The following GRM7 variants were observed in gnomAD, a reference collection of about 807,000 sequenced individuals.
GRM7 encodes the protein glutamate metabotropic receptor 7.
GRM7 carries 35 observed loss-of-function variants against 84.5 expected under a neutral mutation model. That is an observed-to-expected ratio of 0.41 (90% confidence interval 0.32 to 0.55). The LOEUF (loss-of-function observed/expected upper bound fraction) is 0.55. Among genes scored for constraint, GRM7 ranks in the 20% least tolerant of loss-of-function variants. The pLI is 0.19. For synonymous variants in GRM7, 487 were observed against 455.1 expected (o/e 1.07, Z -0.89); for missense variants, 1,003 against 1,194.6 (o/e 0.84, Z 2.36).
At chr3:6,988,036 A>T (rs1235343063) in intron 1 of GRM7, among the ~76,000 whole-genome samples, 8 of 132,968 alleles carry the variant, frequency 6.0e-5, no homozygotes, top group African/African-American at 1.7e-4. Context: ...TTGCTCTGTC[A>T]CCCAGGCTGG....
intron 1 of GRM7, among the ~76,000 whole-genome samples, chr3:7,016,726 A>C (rs1245721673): frequency 6.6e-6 from 1 of 152,216 alleles, no homozygotes; most frequent in East Asian, 1.9e-4. Flanking sequence ...AATACATGGT[A>C]TAGTGCCAAC....
chr3:6,939,474 A>G (rs751870862), intron 1 of GRM7, among the ~76,000 whole-genome samples: 26 of 152,148 alleles, frequency 1.7e-4, no homozygotes, highest in Non-Finnish European at 2.9e-4. Context: ...TATTTTGGGC[A>G]CAGAGGAATA....
At chr3:7,170,435 G>A (rs1694946943) in intron 2 of GRM7, among the ~76,000 whole-genome samples, 1 of 152,034 alleles carries the variant, frequency 6.6e-6, no homozygotes, top group African/African-American at 2.4e-5. Flanking sequence ...TGCCAATATT[G>A]ATGCCACTTC....
chr3:6,980,634 C>T (rs979790795), intron 1 of GRM7, among the ~76,000 whole-genome samples: 2 of 152,134 alleles, frequency 1.3e-5, no homozygotes, highest in African/African-American at 4.8e-5. Context: ...ACTTTGAATG[C>T]CGTAAGTGGT....
At chr3:7,517,853 C>T (rs991037190) in intron 7 of GRM7, among the ~76,000 whole-genome samples, 3 of 152,216 alleles carry the variant, frequency 2.0e-5, no homozygotes, top group Admixed American at 6.5e-5. Flanking sequence ...TTCCCAAGCT[C>T]GTCCAGCTGA....
chr3:7,566,282 T>C (rs1010084966), intron 7 of GRM7, among the ~76,000 whole-genome samples: 1 of 152,164 alleles, frequency 6.6e-6, no homozygotes, highest in African/African-American at 2.4e-5. Flanking sequence ...ATTTTCAGAA[T>C]AGGCAACGGA....
chr3:7,132,776 A>G (rs1354109711), intron 1 of GRM7, among the ~76,000 whole-genome samples: 2 of 152,200 alleles, frequency 1.3e-5, no homozygotes, highest in Admixed American at 6.5e-5. Context: ...TTGACGCTGA[A>G]AGTGGCTTCG....
At chr3:7,273,146 G>T (rs1698929271) in intron 2 of GRM7, among the ~76,000 whole-genome samples, 1 of 151,714 alleles carries the variant, frequency 6.6e-6, no homozygotes, top group South Asian at 2.1e-4. Context: ...CATGTATGTT[G>T]GTATTTTCCA....
intron 1 of GRM7, among the ~76,000 whole-genome samples, chr3:7,024,427 T>A (rs1003435246): frequency 1.4e-4 from 21 of 152,152 alleles, no homozygotes; most frequent in South Asian, 4.1e-4. Context: ...ATTAGCACCA[T>A]GCCATAGAGG....
intron 1 of GRM7, among the ~76,000 whole-genome samples, chr3:7,049,902 T>A (rs1457069725): frequency 2.0e-5 from 3 of 151,900 alleles, no homozygotes; most frequent in Non-Finnish European, 4.4e-5. Flanking sequence ...AACTGGAACC[T>A]AGTTTATTAT....
chr3:7,211,978 A>T (rs1696446306), intron 2 of GRM7, among the ~76,000 whole-genome samples: 1 of 151,130 alleles, frequency 6.6e-6, no homozygotes, highest in Non-Finnish European at 1.5e-5. Flanking sequence ...TAACTGATGC[A>T]GTTCCCTCAG....
intron 1 of GRM7, among the ~76,000 whole-genome samples, chr3:6,905,336 A>G (rs1696536389): frequency 6.6e-6 from 1 of 152,096 alleles, no homozygotes; most frequent in African/African-American, 2.4e-5. Flanking sequence ...GAAGCTCTGT[A>G]TTCTCTATAG....
Position 6,861,566 on chromosome 3 carries a change from A to G in GRM7, c.178A>G (p.Lys60Glu). The G allele has an allele frequency of 6.2e-7, 1 of 1,600,210 alleles. No individual in the cohort carries two copies. The highest frequency in any genetic ancestry group is 8.5e-7 in the Non-Finnish European group (1 of 1,172,416). The change falls in exon 1 of 10, where the codon AAG (lysine) becomes GAG (glutamate). Residue 60 changes from lysine to glutamate, a missense_variant. Around this residue, in one of 2 missense-constraint regions of GRM7, gnomAD observed 910 missense variants for 1,126.0 expected, o/e 0.81. Coordinates refer to ENST00000357716, the MANE Select transcript of GRM7 (RefSeq NM_000844.4). The surrounding 1 kb of genome is among the most constrained non-coding windows in gnomAD (Gnocchi z 6.4). ...TLGGLFPVHA[K>E]GPSGVPCGDI... The stretch of plus-strand genomic sequence containing the variant: ...CGGGGGGCTGTTCCCCGTGCACGCC[A>G]AGGGTCCCAGCGGAGTGCCCTGCGG...
At chr3:7,053,748 C>T (rs1377397441) in intron 1 of GRM7, among the ~76,000 whole-genome samples, 2 of 151,498 alleles carry the variant, frequency 1.3e-5, no homozygotes, top group Non-Finnish European at 3.0e-5. Context: ...AAGAATATCA[C>T]ATTGTCTTGA....
chr3:6,987,995 CT>C (rs34837684), intron 1 of GRM7, among the ~76,000 whole-genome samples: 32,525 of 112,016 alleles, frequency 0.29, 5,455 homozygotes, highest in African/African-American at 0.5. Context: ...TCACCTCTAG[CT>C]TTTTTTTTTT....
intron 8 of GRM7, among the ~76,000 whole-genome samples, chr3:7,658,551 C>A (rs1195966605): frequency 6.6e-6 from 1 of 152,152 alleles, no homozygotes; most frequent in East Asian, 1.9e-4. Context: ...TCCAGTGAAA[C>A]TGACTCACAG....
At chr3:6,966,450 T>C (rs1049656992) in intron 1 of GRM7, among the ~76,000 whole-genome samples, 1 of 152,238 alleles carries the variant, frequency 6.6e-6, no homozygotes. Flanking sequence ...GTTATATTTT[T>C]GCAGTTTATA....
intron 4 of GRM7, among the ~76,000 whole-genome samples, chr3:7,365,642 T>C (rs1387341427): frequency 2.4e-5 from 2 of 84,282 alleles, no homozygotes; most frequent in African/African-American, 1.0e-4. Context: ...TGTGTGTGCG[T>C]GTGTGTATAT....
chr3:7,621,944 T>C (rs1348515292), intron 8 of GRM7, among the ~76,000 whole-genome samples: 2 of 152,172 alleles, frequency 1.3e-5, no homozygotes, highest in Admixed American at 1.3e-4. Flanking sequence ...TAAATTCTAC[T>C]TGTGAATCTG....
Sources: allele counts gnomAD v4.1 joint callset (sites outside exome capture counted in the v4.1 genomes callset), GRCh38; gene constraint gnomAD v4.1.1; regional missense constraint gnomAD v4.1.1; non-coding constraint Gnocchi (gnomAD v3.1); transcripts MANE v1.5; gene names NCBI Gene and HGNC (gene_info 2026-07-23, HGNC 2026-07-21).